AK2: variants seen among roughly 807,000 people sequenced by gnomAD.
The protein encoded by AK2 is adenylate kinase 2, mitochondrial.
AK2 carries 15 observed loss-of-function variants against 24.6 expected under a neutral mutation model. The ratio of observed to expected loss-of-function variants is 0.61; its 90% confidence interval spans 0.41 to 0.94. The LOEUF is 0.94. Among genes scored for constraint, AK2 ranks in the 40% least tolerant of loss-of-function variants. The probability of loss-of-function intolerance (pLI) is 0.00; values close to 1 mark genes in which losing one functional copy is unlikely to be tolerated. For missense variants in AK2, 257 were observed against 304.1 expected (o/e 0.85, Z 1.15); for synonymous variants, 102 against 114.0 (o/e 0.90, Z 0.67).
At position 33,010,403 on chromosome 1, in the gene AK2, CA is replaced by C. The variant is rs751692603; in HGVS notation, c.*2777del. On this transcript the variant is annotated 3_prime_UTR_variant, in exon 6 of 6. Coordinates refer to ENST00000672715, the MANE Select transcript of AK2 (RefSeq NM_001625.4). ...AGTCAGTAATCAAAGCTCCCTGTTC[CA>C]AGCTATAGACAGACAGGACAACAAT... 1.0e-5 allele frequency: 5 copies of C among 490,290 alleles called. No homozygotes were observed. Among genetic ancestry groups the C allele is most frequent in the Non-Finnish European group, 2.0e-5 (5 of 251,448 alleles). The allele number at this position is 490,290 out of a possible 1,614,324, so 30.4% of individuals were successfully genotyped here.
chr1:33,010,186 A>C lies in AK2; in HGVS notation c.*2995T>G. ...GCTGGGTAGCTGTGAGAGGTTACTC[A>C]TGAAAGTAGGTAGCCTAGTAAATTA... On this transcript the variant is annotated 3_prime_UTR_variant, in exon 6 of 6. Coordinates refer to ENST00000672715, the MANE Select transcript of AK2 (RefSeq NM_001625.4). 2 of 454,308 alleles carry C rather than the reference A, an allele frequency of 4.4e-6. No individual in the cohort carries two copies. Among genetic ancestry groups the C allele is most frequent in the South Asian group, 3.1e-5 (2 of 64,484 alleles). The allele number at this position is 454,308 out of a possible 1,614,324, so 28.1% of individuals were successfully genotyped here.
intron 1 of AK2, among the ~76,000 whole-genome samples, chr1:33,028,745 T>C (rs976743492): frequency 6.6e-6 from 1 of 152,160 alleles, no homozygotes; most frequent in South Asian, 2.1e-4. Flanking sequence ...GGGGTAATTA[T>C]GGGAATGCTA....
rs1639748332 is a variant in AK2 at position 33,024,467 on chromosome 1, T to C, written c.194A>G (p.Lys65Arg). Residue 65 changes from lysine (K) to arginine (R), a missense_variant, in exon 2 of 6, where the codon AAG (lysine) becomes AGG (arginine). Physicochemically the swap from Lys to Arg is conservative, Grantham distance 26 (BLOSUM62 2). Transcript: ENST00000672715. ...ASGSELGKKL[K>R]ATMDAGKLVS... ...CAGTTTCCCAGCATCCATAGTTGCC[T>C]TCAGCTTTTTTCCTAGCTCTGAGCC... 6.2e-7 allele frequency: 1 copy of C among 1,614,194 alleles called. No individual in the cohort carries two copies. Among genetic ancestry groups the C allele is most frequent in the African/African-American group, 1.3e-5 (1 of 75,046 alleles).
chr1:33,030,251 T>C (rs1441515674), intron 1 of AK2, among the ~76,000 whole-genome samples: 1 of 152,232 alleles, frequency 6.6e-6, no homozygotes, highest in East Asian at 1.9e-4. Flanking sequence ...TGTAGTATAC[T>C]TCTGAGTACA....
Position 33,024,455 on chromosome 1 carries a change from T to A in AK2, c.206A>T (p.Asp69Val). 1 of 1,614,154 alleles carries A rather than the reference T, an allele frequency of 6.2e-7. No individual in the cohort carries two copies. Among genetic ancestry groups the A allele is most frequent in the Non-Finnish European group, 8.5e-7 (1 of 1,180,030 alleles). The stretch of plus-strand genomic sequence containing the variant: ...CACCAAACCTACCAGTTTCCCAGCA[T>A]CCATAGTTGCCTTCAGCTTTTTTCC... ...ELGKKLKATMDAGKLVSDEMV... is the reference protein window; with the variant it reads ...ELGKKLKATMVAGKLVSDEMV... The change falls in exon 2 of 6, where the codon GAT becomes GTT. Residue 69 changes from aspartate (D) to valine (V), a missense_variant. By Grantham distance (152) the Asp-to-Val change is radical. Coordinates refer to ENST00000672715, the MANE Select transcript of AK2 (RefSeq NM_001625.4).
In AK2 at chr1:33,021,627, T is replaced by C. The variant is rs770602966; in HGVS notation, c.296A>G (p.Asp99Gly). The change falls in exon 3 of 6, where the codon GAT (aspartate) becomes GGT (glycine). Residue 99 changes from aspartate to glycine, a missense_variant. By Grantham distance (94) the Asp-to-Gly change is moderately conservative (BLOSUM62 -1). Coordinates refer to ENST00000672715, the MANE Select transcript of AK2 (RefSeq NM_001625.4). ...CTGCCTCACAGTCCGAGGGAAGCCA[T>C]CCAGAAGAAAACCATTTTTGCACAA... ...TPLCKNGFLL[D>G]GFPRTVRQAE... The C allele has an allele frequency of 1.2e-6, 2 of 1,614,040 alleles. No individual in the cohort carries two copies. Among genetic ancestry groups the C allele is most frequent in the Admixed American group, 1.7e-5 (1 of 59,994 alleles).
rs1329872919 is a variant in AK2, at chr1:33,020,277, T to A, written c.425+1090A>T. ...TTCTTCCTCCATTTTCTAAACTTTG[T>A]ACAGATGGTTATATTATTTTTACAA... On this transcript the variant is annotated intron_variant, in intron 4 of 5. Coordinates refer to ENST00000672715, the MANE Select transcript of AK2 (RefSeq NM_001625.4). The A allele has an allele frequency of 3.8e-6, 3 of 783,926 alleles. No individual in the cohort carries two copies. The Admixed American group carries it at 8.1e-5, about 21-fold the overall frequency. The allele number at this position is 783,926 out of a possible 1,614,324, so 48.6% of individuals were successfully genotyped here.
intron 1 of AK2, among the ~76,000 whole-genome samples, chr1:33,027,063 T>C (rs1639936014): frequency 6.6e-6 from 1 of 151,948 alleles, no homozygotes; most frequent in Admixed American, 6.6e-5. Context: ...AAGGTGGAAG[T>C]TGCGGCGAGC....
intron 4 of AK2, among the ~76,000 whole-genome samples, chr1:33,016,662 C>A (rs1189461761): frequency 6.6e-6 from 1 of 152,076 alleles, no homozygotes; most frequent in African/African-American, 2.4e-5. Flanking sequence ...GCATGCGCCA[C>A]CATGCCTGGC....
intron 4 of AK2, 115 bp from the exon 5 acceptor site, chr1:33,014,709 G>C: frequency 1.2e-6 from 1 of 838,250 alleles, no homozygotes; most frequent in South Asian, 1.3e-5. Context: ...CAAGGACCCA[G>C]CACCCAGCAG....
At position 33,012,307 on chromosome 1, in the gene AK2, T is replaced by C; in HGVS notation, c.*874A>G. On this transcript the variant is annotated 3_prime_UTR_variant, in exon 6 of 6. Transcript: ENST00000672715. The stretch of plus-strand genomic sequence containing the variant: ...GACGATATCCTCTCCCAGTAATTTC[T>C]GTAACCTGCAAAGTAAGTGCCTTTT... 6.5e-7 allele frequency: 1 copy of C among 1,533,032 alleles called. No homozygotes were observed. Among genetic ancestry groups the C allele is most frequent in the Non-Finnish European group, 8.7e-7 (1 of 1,146,264 alleles). 95.0% of individuals were successfully genotyped at this position (1,533,032 alleles called of 1,614,324 possible).
chr1:33,024,168 CA>C (rs891701966), intron 2 of AK2: 2,504 of 329,086 alleles, frequency 7.6e-3, no homozygotes, highest in Middle Eastern at 0.012. Context: ...GAGACTTTGT[CA>C]AAAAAAAAAG....
chr1:33,026,296 C>T lies in AK2; in HGVS notation c.94-1729G>A, dbSNP rs114108402. 1.2e-3 allele frequency among the ~76,000 whole-genome samples: 177 copies of T among 152,240 alleles called. 2 individuals carry two copies. The highest frequency in any genetic ancestry group is 4.1e-3 in the African/African-American group (169 of 41,554). ...TCACTGCAGCCACGAACTCCCTGGG[C>T]TCAGGTGATTCTCCTGCCTCAGCCT... On this transcript the variant is annotated intron_variant, in intron 1 of 5. Coordinates refer to ENST00000672715, the MANE Select transcript of AK2 (RefSeq NM_001625.4).
chr1:33,021,750 G>A (rs764146121), intron 2 of AK2, 47 bp from the exon 3 acceptor site: 13 of 1,462,698 alleles, frequency 8.9e-6, no homozygotes, highest in Non-Finnish European at 2.9e-6. Context: ...CCATTACCTA[G>A]GTGACTGACA....
intron 2 of AK2, among the ~76,000 whole-genome samples, chr1:33,022,487 C>T (rs1375541247): frequency 1.3e-5 from 2 of 151,708 alleles, no homozygotes; most frequent in Non-Finnish European, 2.9e-5. Context: ...TCCCAAACAG[C>T]TGGGACTACA....
rs952803413 is a variant in AK2, at chr1:33,008,740, G to A, written c.*4441C>T. The A allele has an allele frequency of 2.4e-5, 11 of 453,970 alleles. No homozygotes were observed. The highest frequency in any genetic ancestry group is 4.9e-5 in the Non-Finnish European group (11 of 226,790). The allele number at this position is 453,970 out of a possible 1,614,324, so 28.1% of individuals were successfully genotyped here. On this transcript the variant is annotated 3_prime_UTR_variant, in exon 6 of 6. Transcript: ENST00000672715. ...CCACAGGGTGCTGTGTGAGGGTTAC[G>A]TGAAGTCGAGGGTTACATGAAGCCT...
chr1:33,019,920 A>C (rs1457115678), intron 4 of AK2: 2 of 1,406,240 alleles, frequency 1.4e-6, no homozygotes, highest in Non-Finnish European at 1.8e-6. Context: ...CTGGTTCAAG[A>C]TGGTTGGCTG....
At chr1:33,015,483 T>A (rs1001389437) in intron 4 of AK2, among the ~76,000 whole-genome samples, 2 of 152,186 alleles carry the variant, frequency 1.3e-5, no homozygotes, top group African/African-American at 4.8e-5. Context: ...ACTTCTGTGG[T>A]TTCTCAATTC....
At chr1:33,035,837 G>A (rs1170607923) in intron 1 of AK2, among the ~76,000 whole-genome samples, 5 of 151,964 alleles carry the variant, frequency 3.3e-5, no homozygotes, top group Non-Finnish European at 7.4e-5. Context: ...TGACCTTTCT[G>A]GGCCTGTTTT....
Sources: gnomAD v4.1 joint callset for allele counts (sites outside exome capture counted in the v4.1 genomes callset) on GRCh38, gnomAD v4.1.1 for gene constraint, MANE v1.5 for transcripts, NCBI Gene and HGNC (gene_info 2026-07-23, HGNC 2026-07-21) for gene names.